Variants in NDUFAF6 observed in about 807,000 individuals in gnomAD.
NDUFAF6 encodes NADH:ubiquinone oxidoreductase complex assembly factor 6.
In NDUFAF6, 45 loss-of-function variants were observed where a neutral mutation model predicts 40.8. The ratio of observed to expected loss-of-function variants is 1.10; its 90% CI spans 0.87 to 1.42. The LOEUF is 1.42. NDUFAF6 is among the 40% of genes most tolerant of loss of function. The probability of loss-of-function intolerance (pLI) is 0.00; values close to 1 mark genes in which losing one functional copy is unlikely to be tolerated. For synonymous variants in NDUFAF6, 185 were observed against 155.9 expected, an observed-to-expected ratio of 1.19 and a Z score of -1.39; for missense variants, 435 against 418.5, an observed-to-expected ratio of 1.04 and a Z score of -0.34.
At chr8:94,925,224 T>C (rs1231773114) in intron 1 of NDUFAF6, among the ~76,000 whole-genome samples, 1 of 152,218 alleles carries the variant, frequency 6.6e-6, no homozygotes, top group Non-Finnish European at 1.5e-5. Flanking sequence ...GCCCCAAACA[T>C]TCATTCACAT....
chr8:94,932,862 A>G (rs1371008909), intron 1 of NDUFAF6, among the ~76,000 whole-genome samples: 6 of 152,240 alleles, frequency 3.9e-5, no homozygotes, highest in African/African-American at 1.2e-4. Flanking sequence ...AATTATAGTT[A>G]CTATTTTAAA....
At chr8:94,941,045 C>T (rs1821479701) in intron 1 of NDUFAF6, 1 of 773,450 alleles carries the variant, frequency 1.3e-6, no homozygotes, top group Non-Finnish European at 2.1e-6. Context: ...TTAAAGTGCA[C>T]AGGGTGCTTA....
At chr8:94,898,125 GCA>G (rs1423579143) in intron 1 of NDUFAF6, among the ~76,000 whole-genome samples, 3 of 152,128 alleles carry the variant, frequency 2.0e-5, no homozygotes, top group Non-Finnish European at 4.4e-5. Context: ...CACCACACAT[GCA>G]CAGTTTCCCC....
intron 4 of NDUFAF6, among the ~76,000 whole-genome samples, chr8:95,112,122 G>T (rs1356805248): frequency 1.3e-5 from 2 of 152,174 alleles, no homozygotes. Context: ...ATTTTACATG[G>T]CCAAAGGGGC....
intron 1 of NDUFAF6, among the ~76,000 whole-genome samples, chr8:95,028,995 G>A (rs1828509404): frequency 1.3e-5 from 2 of 152,182 alleles, no homozygotes; most frequent in African/African-American, 4.8e-5. Flanking sequence ...GAGATAGCAA[G>A]GTTACTGTTT....
At chr8:95,024,937 C>A (rs1212480904), upstream of NDUFAF6, 11 of 1,225,234 alleles carry the variant, frequency 9.0e-6, no homozygotes, top group African/African-American at 1.6e-5. Context: ...CATAGGGGAA[C>A]CTGCAGGGGC....
At chr8:94,911,189 T>C (rs976546877) in intron 1 of NDUFAF6, among the ~76,000 whole-genome samples, 46 of 152,218 alleles carry the variant, frequency 3.0e-4, no homozygotes, top group African/African-American at 1.1e-3. Flanking sequence ...CAAGCATGTA[T>C]TGATATTGTG....
upstream of NDUFAF6, among the ~76,000 whole-genome samples, chr8:94,955,178 A>G (rs1022251526): frequency 6.6e-6 from 1 of 152,244 alleles, no homozygotes; most frequent in Non-Finnish European, 1.5e-5. Flanking sequence ...TGTTCTTACC[A>G]GCACATAGAC....
chr8:94,972,845 G>A (rs953356672), intron 1 of NDUFAF6, among the ~76,000 whole-genome samples: 8 of 151,994 alleles, frequency 5.3e-5, no homozygotes, highest in Admixed American at 5.3e-4. Context: ...GCTGCAGTGA[G>A]CCATGATTGT....
At chr8:94,930,220 C>G (rs1820255106) in intron 1 of NDUFAF6, 8 of 455,836 alleles carry the variant, frequency 1.8e-5, no homozygotes, top group Non-Finnish European at 3.1e-5. Context: ...TAAAGACACC[C>G]CCAAACACTG....
upstream of NDUFAF6, among the ~76,000 whole-genome samples, chr8:94,954,772 T>C (rs1412874165): frequency 3.3e-5 from 5 of 152,178 alleles, no homozygotes; most frequent in African/African-American, 1.2e-4. Flanking sequence ...ACCAGACCCA[T>C]AGGTTTATAA....
chr8:94,902,769 C>T (rs1338924563), intron 1 of NDUFAF6, among the ~76,000 whole-genome samples: 1 of 147,946 alleles, frequency 6.8e-6, no homozygotes, highest in Admixed American at 6.8e-5. Context: ...TGTGTCAGCT[C>T]ACTGCAACCT....
chr8:95,036,475 G>GA (rs1829519999), intron 3 of NDUFAF6: 1 of 1,289,192 alleles, frequency 7.8e-7, no homozygotes, highest in Non-Finnish European at 1.0e-6. Context: ...GGATTGAGAA[G>GA]AAAAAGTGGA....
intron 5 of NDUFAF6, 117 bp from the exon 6 acceptor site, chr8:95,046,877 G>A: frequency 7.2e-7 from 1 of 1,384,490 alleles, no homozygotes; most frequent in South Asian, 1.2e-5. Flanking sequence ...CTGTTTTTCA[G>A]ATGTAAAACA....
intron 2 of NDUFAF6, among the ~76,000 whole-genome samples, chr8:95,085,955 G>A (rs941481264): frequency 2.0e-5 from 3 of 152,196 alleles, no homozygotes; most frequent in Non-Finnish European, 2.9e-5. Context: ...TTGTGTTGCA[G>A]TGTTTAAATA....
At chr8:95,088,366 G>C (rs533115718) in intron 2 of NDUFAF6, among the ~76,000 whole-genome samples, 3 of 152,288 alleles carry the variant, frequency 2.0e-5, no homozygotes, top group African/African-American at 4.8e-5. Flanking sequence ...AAAGGTAACT[G>C]GAAGGATCAA....
At chr8:94,967,502 T>C (rs956084984) in intron 1 of NDUFAF6, among the ~76,000 whole-genome samples, 1 of 152,184 alleles carries the variant, frequency 6.6e-6, no homozygotes, top group Non-Finnish European at 1.5e-5. Flanking sequence ...AGAGATCCTT[T>C]AGTCATCTGT....
intron 1 of NDUFAF6, among the ~76,000 whole-genome samples, chr8:94,919,382 A>G (rs773324408): frequency 6.6e-6 from 1 of 152,026 alleles, no homozygotes; most frequent in Non-Finnish European, 1.5e-5. Flanking sequence ...CCCCATAATT[A>G]CTGGTTCTTG....
At chr8:94,927,631 G>A (rs1820009595) in intron 1 of NDUFAF6, 1 of 152,068 alleles carries the variant, frequency 6.6e-6, no homozygotes, top group Admixed American at 6.5e-5. Flanking sequence ...TCACCTTACA[G>A]TGCAGTACAC....
Sources: allele counts gnomAD v4.1 joint callset (sites outside exome capture counted in the v4.1 genomes callset), GRCh38; gene constraint gnomAD v4.1.1; transcripts MANE v1.5; gene names NCBI Gene and HGNC (gene_info 2026-07-23, HGNC 2026-07-21).